Variants in DBT observed in about 807,000 individuals in gnomAD.
DBT encodes the protein lipoamide acyltransferase component of branched-chain alpha-keto acid dehydrogenase complex, mitochondrial.
A neutral mutation model predicts 51.3 loss-of-function variants in DBT; 40 were observed. That is an observed-to-expected ratio of 0.78 (90% CI 0.61 to 1.02). The LOEUF (loss-of-function observed/expected upper bound fraction) is 1.02. Ranked by LOEUF, DBT falls within the 50% of genes least tolerant of loss-of-function variation. The pLI, the probability that DBT is intolerant of heterozygous loss-of-function variation, is 0.00. For missense variants in DBT, 510 were observed against 580.2 expected, an observed-to-expected ratio of 0.88 and a Z score of 1.24; for synonymous variants, 181 against 190.4, an observed-to-expected ratio of 0.95 and a Z score of 0.41.
chr1:100,226,869 T>G (rs1277797913), intron 4 of DBT, among the ~76,000 whole-genome samples: 1 of 152,220 alleles, frequency 6.6e-6, no homozygotes, highest in African/African-American at 2.4e-5. Flanking sequence ...TTGAGAAGAA[T>G]AATGATTGTA....
intron 4 of DBT, among the ~76,000 whole-genome samples, chr1:100,228,196 G>A (rs376731759): frequency 3.9e-5 from 6 of 152,198 alleles, no homozygotes; most frequent in African/African-American, 1.2e-4. Context: ...GAAATATAAC[G>A]ACTAGAGGAA....
chr1:100,214,890 T>G lies in DBT; in HGVS notation c.866A>C (p.Lys289Thr). 4 of 1,614,096 alleles carry G rather than the reference T, an allele frequency of 2.5e-6. No individual in the cohort carries two copies. Among genetic ancestry groups the G allele is most frequent in the Non-Finnish European group, 3.4e-6 (4 of 1,179,930 alleles). Reference sequence around the variant, plus strand: ...AATGGGTTTTAATTCTTCTCGGAGCTTAACCAGTTCAGTAAGGTCAATCTC... The same window carrying G: ...AATGGGTTTTAATTCTTCTCGGAGCGTAACCAGTTCAGTAAGGTCAATCTC... ...CDEIDLTELVKLREELKPIAF... is the reference protein window; with the variant it reads ...CDEIDLTELVTLREELKPIAF... Residue 289 changes from lysine to threonine, a missense_variant, in exon 7 of 11, where the codon AAG (lysine) becomes ACG (threonine). Lys to Thr is a moderately conservative substitution (Grantham distance 78, BLOSUM62 -1). Coordinates refer to ENST00000370132, the MANE Select transcript of DBT (RefSeq NM_001918.5).
chr1:100,211,917 G>A (rs1030899805), intron 7 of DBT, among the ~76,000 whole-genome samples: 69 of 152,176 alleles, frequency 4.5e-4, no homozygotes, highest in Non-Finnish European at 3.4e-4. Context: ...AACTATAGGC[G>A]TGTGCCACCA....
Position 100,211,208 on chromosome 1 carries a change from C to T in DBT, c.940-437G>A. 4.2e-6 allele frequency: 3 copies of T among 710,338 alleles called. No individual in the cohort carries two copies. In the South Asian group the frequency reaches 4.6e-5, roughly 11 times the overall value. 44.0% of individuals were successfully genotyped at this position (710,338 alleles called of 1,614,324 possible). A position where few individuals can be genotyped will look rare whatever the true frequency, so the allele number is the denominator to read the frequency against. ...TAACGAGGATTTCAAAGCGCACTGA[C>T]CAGTAGATGCCAGTTTGCTACTTGG... On this transcript the variant is annotated intron_variant, in intron 7 of 10. Transcript: ENST00000370132.
At position 100,216,284 on chromosome 1, in the gene DBT, A is replaced by G. The variant is rs78240959; in HGVS notation, c.556-85T>C. 1.9e-3 allele frequency: 1,677 copies of G among 885,604 alleles called. 9 individuals carry two copies. Among genetic ancestry groups the G allele is most frequent in the Non-Finnish European group, 2.6e-3 (1,386 of 539,932 alleles). 54.9% of individuals were successfully genotyped at this position (885,604 alleles called of 1,614,324 possible). Reference sequence around the variant, plus strand: ...TCAAAATGGAATTTGATCAACTGACAGTAAAATATATCTGTCCAATAAATT... The same window carrying G: ...TCAAAATGGAATTTGATCAACTGACGGTAAAATATATCTGTCCAATAAATT... On this transcript the variant is annotated intron_variant, in intron 5 of 10. Transcript: ENST00000370132.
chr1:100,234,825 C>T (rs1235675593), intron 3 of DBT, among the ~76,000 whole-genome samples: 1 of 152,078 alleles, frequency 6.6e-6, no homozygotes, highest in Admixed American at 6.6e-5. Context: ...AAAGAATGTT[C>T]AGGTGGTTGA....
In DBT at chr1:100,215,990, G is replaced by A. The variant is rs767126022; in HGVS notation, c.765C>T (p.Pro255=). 3.2e-6 allele frequency: 5 copies of A among 1,557,980 alleles called. No individual in the cohort carries two copies. The highest frequency in any genetic ancestry group is 2.7e-5 in the African/African-American group (2 of 73,602). ...TGTTATTATTATCATTACCTTTTAT[G>A]GGTTCTGTTTTGTCTTTGCCTGTGA... The part of the protein sequence containing the change: ...PVFTGKDKTE[P]IKGFQKAMVK... Residue 255 remains proline (P), a synonymous_variant, in exon 6 of 11, where the codon CCC becomes CCT. Transcript: ENST00000370132.
At chr1:100,212,787 T>C (rs1662231993) in intron 7 of DBT, among the ~76,000 whole-genome samples, 1 of 152,140 alleles carries the variant, frequency 6.6e-6, no homozygotes, top group South Asian at 2.1e-4. Flanking sequence ...TCAGGTGGAA[T>C]TGTGTATTCC....
At position 100,195,866 on chromosome 1, in the gene DBT, TG is replaced by T. The variant is rs1661061297; in HGVS notation, c.*388del. ...TTTTAGTAGAGGCCAGGTTTCACCA[TG>T]TTGGCCAGGCTGGTCTCAAACTTCT... On this transcript the variant is annotated 3_prime_UTR_variant, in exon 11 of 11. Coordinates refer to ENST00000370132, the MANE Select transcript of DBT (RefSeq NM_001918.5). The T allele has an allele frequency of 4.2e-6, 1 of 236,212 alleles. No individual in the cohort carries two copies. Among genetic ancestry groups the T allele is most frequent in the African/African-American group, 2.3e-5 (1 of 43,158 alleles). 14.6% of individuals were successfully genotyped at this position (236,212 alleles called of 1,614,324 possible).
intron 2 of DBT, among the ~76,000 whole-genome samples, chr1:100,239,786 C>A (rs1434771568): frequency 6.1e-5 from 9 of 146,438 alleles, no homozygotes. Context: ...TCATTTGAGC[C>A]CATGAGTTTG....
rs1180929759 is a variant in DBT, at chr1:100,191,019, T to C, written c.*5236A>G. 1.3e-5 allele frequency: 2 copies of C among 152,240 alleles called. No homozygotes were observed. Among genetic ancestry groups the C allele is most frequent in the African/African-American group, 4.8e-5 (2 of 41,462 alleles). 9.4% of individuals were successfully genotyped at this position (152,240 alleles called of 1,614,324 possible). ...TATCTTCTTTTTCTCTTGATAAATATTCCTGTGGTAAGCCATGGAGTTCTG... is the reference window on the plus strand; with the variant it reads ...TATCTTCTTTTTCTCTTGATAAATACTCCTGTGGTAAGCCATGGAGTTCTG... On this transcript the variant is annotated 3_prime_UTR_variant, in exon 11 of 11. Transcript: ENST00000370132.
chr1:100,223,243 A>C (rs1662974645), intron 4 of DBT, among the ~76,000 whole-genome samples: 1 of 152,238 alleles, frequency 6.6e-6, no homozygotes, highest in South Asian at 2.1e-4. Context: ...TGGAACAAAG[A>C]GGCTTAGTTG....
chr1:100,245,607 T>G (rs992498502), intron 1 of DBT, among the ~76,000 whole-genome samples: 5 of 152,214 alleles, frequency 3.3e-5, no homozygotes, highest in African/African-American at 1.2e-4. Context: ...ACTATACGTG[T>G]AGTCTAAGTC....
In DBT at chr1:100,187,215, C is replaced by G. The variant is rs1309668456; in HGVS notation, c.*9040G>C. The G allele has an allele frequency of 1.3e-5, 2 of 151,986 alleles. No homozygotes were observed. Among genetic ancestry groups the G allele is most frequent in the African/African-American group, 4.8e-5 (2 of 41,370 alleles). 9.4% of individuals were successfully genotyped at this position (151,986 alleles called of 1,614,324 possible). On this transcript the variant is annotated 3_prime_UTR_variant, in exon 11 of 11. Transcript: ENST00000370132. ...ATTGGGGGTAATTTAAACCCCAAAT[C>G]GGAAGAATAGAATAAAAGACATAAA...
chr1:100,230,211 T>G (rs2100825942), intron 4 of DBT, among the ~76,000 whole-genome samples: 1 of 152,326 alleles, frequency 6.6e-6, no homozygotes, highest in South Asian at 2.1e-4. Context: ...TTCAGGTAAA[T>G]GAAGTGTTAC....
intron 7 of DBT, among the ~76,000 whole-genome samples, chr1:100,214,438 G>A (rs139974584): frequency 6.6e-6 from 1 of 152,198 alleles, no homozygotes. Flanking sequence ...CATATTGCAT[G>A]TTGGCAAAGC....
intron 4 of DBT, among the ~76,000 whole-genome samples, chr1:100,225,995 A>AAAAAC (rs888223659): frequency 6.6e-6 from 1 of 152,274 alleles, no homozygotes; most frequent in South Asian, 2.1e-4. Flanking sequence ...CCCCATGTCA[A>AAAAAC]AAAACAAAAC....
chr1:100,227,407 CAGATAGCCCCAAT>C (rs1663285600), intron 4 of DBT, among the ~76,000 whole-genome samples: 2 of 9,264 alleles, frequency 2.2e-4, no homozygotes, highest in East Asian at 0.036. Context: ...AGGTAGCATA[CAGATAGCCCCAAT>C]ACAGATAGCC....
At position 100,196,078 on chromosome 1, in the gene DBT, A is replaced by C. The variant is rs991330072; in HGVS notation, c.*177T>G. ...ACAGCCCCAGGAGAACCATTACACC[A>C]TTATTCATTTTCAGTAAAAAGTCTA... On this transcript the variant is annotated 3_prime_UTR_variant, in exon 11 of 11. Transcript: ENST00000370132. 3 of 660,022 alleles carry C rather than the reference A, an allele frequency of 4.5e-6. No homozygotes were observed. In the East Asian group the frequency reaches 8.2e-5, roughly 18 times the overall value. The allele number at this position is 660,022 out of a possible 1,614,324, so 40.9% of individuals were successfully genotyped here.
Sources: gnomAD v4.1 joint callset for allele counts (sites outside exome capture counted in the v4.1 genomes callset) on GRCh38, gnomAD v4.1.1 for gene constraint, MANE v1.5 for transcripts, NCBI Gene and HGNC (gene_info 2026-07-23, HGNC 2026-07-21) for gene names.